Variants in GPR63 observed in about 807,000 individuals in gnomAD.
GPR63 encodes G protein-coupled receptor 63, also known as probable G protein-coupled receptor 63.
Under a neutral mutation model 23.1 loss-of-function variants are expected in GPR63, and 12 were observed. The ratio of observed to expected loss-of-function variants is 0.52; its 90% confidence interval spans 0.33 to 0.84. The LOEUF is 0.84. GPR63 is among the 40% of genes least tolerant of loss of function. GPR63 has a pLI of 0.02. For synonymous variants in GPR63, 172 were observed against 191.1 expected (o/e 0.90, Z 0.82); for missense variants, 472 against 515.6 (o/e 0.92, Z 0.82).
rs559274389 is a variant in GPR63, at chr6:96,794,847, A to G, written c.*3625T>C. On this transcript the variant is annotated 3_prime_UTR_variant, in exon 2 of 2. Coordinates refer to ENST00000229955, the MANE Select transcript of GPR63 (RefSeq NM_030784.4). ...CTTTATCAGAATTTTGCCAGTTGAAAGAAAATAAAGCTAACACTGGCAAGA... is the reference window on the plus strand; with the variant it reads ...CTTTATCAGAATTTTGCCAGTTGAAGGAAAATAAAGCTAACACTGGCAAGA... 6.6e-6 allele frequency: 1 copy of G among 152,336 alleles called. No individual in the cohort carries two copies. Among genetic ancestry groups the G allele is most frequent in the South Asian group, 2.1e-4 (1 of 4,826 alleles). 9.4% of individuals were successfully genotyped at this position (152,336 alleles called of 1,614,324 possible).
At chr6:96,828,334 CTTAT>C (rs1205178717) in intron 1 of GPR63, among the ~76,000 whole-genome samples, 3 of 151,894 alleles carry the variant, frequency 2.0e-5, no homozygotes, top group Admixed American at 6.6e-5. Flanking sequence ...CCCTTATAGT[CTTAT>C]TTAATCTTCA....
rs1212535420 is a variant in GPR63 at position 96,795,353 on chromosome 6, G to A, written c.*3119C>T. 1.3e-5 allele frequency: 2 copies of A among 152,212 alleles called. No individual in the cohort carries two copies. The highest frequency in any genetic ancestry group is 2.9e-5 in the Non-Finnish European group (2 of 68,038). The allele number at this position is 152,212 out of a possible 1,614,324, so 9.4% of individuals were successfully genotyped here. A position where few individuals can be genotyped will look rare whatever the true frequency, so the allele number is the denominator to read the frequency against. On this transcript the variant is annotated 3_prime_UTR_variant, in exon 2 of 2. Coordinates refer to ENST00000229955, the MANE Select transcript of GPR63 (RefSeq NM_030784.4). ...TGCCTGTAAGCAGTGAGAATTAGTA[G>A]TGGTATCTTTCCCTGCCTCAAGAAA...
intron 1 of GPR63, among the ~76,000 whole-genome samples, chr6:96,828,823 G>T (rs998108142): frequency 4.6e-5 from 7 of 151,988 alleles, no homozygotes; most frequent in Admixed American, 3.3e-4. Flanking sequence ...GGAAAGGTGT[G>T]TCAAGCCCAT....
At chr6:96,827,190 G>A (rs1774461886) in intron 1 of GPR63, among the ~76,000 whole-genome samples, 1 of 151,900 alleles carries the variant, frequency 6.6e-6, no homozygotes, top group African/African-American at 2.4e-5. Flanking sequence ...AATAATAAAT[G>A]GTTAGAATTA....
chr6:96,817,623 C>T (rs897473880), intron 1 of GPR63, among the ~76,000 whole-genome samples: 2 of 152,162 alleles, frequency 1.3e-5, no homozygotes, highest in South Asian at 2.1e-4. Context: ...GATAAATCAA[C>T]GTCATTATAT....
chr6:96,818,987 G>A (rs1774231012), intron 1 of GPR63, among the ~76,000 whole-genome samples: 1 of 152,078 alleles, frequency 6.6e-6, no homozygotes, highest in Admixed American at 6.5e-5. Context: ...ACACCAGTTA[G>A]AATGGTGATC....
intron 1 of GPR63, among the ~76,000 whole-genome samples, chr6:96,810,489 C>T (rs1190120229): frequency 2.9e-5 from 4 of 139,584 alleles, no homozygotes; most frequent in Admixed American, 2.2e-4. Context: ...TGCGAGACTC[C>T]GTCCCAGGAA....
At chr6:96,803,468 A>G (rs181694137) in intron 1 of GPR63, among the ~76,000 whole-genome samples, 16 of 152,372 alleles carry the variant, frequency 1.1e-4, no homozygotes, top group Admixed American at 1.0e-3. Flanking sequence ...GTAGTTAAAC[A>G]TTAAGGAAAA....
intron 1 of GPR63, among the ~76,000 whole-genome samples, chr6:96,834,663 A>T (rs1774677057): frequency 6.6e-6 from 1 of 152,114 alleles, no homozygotes; most frequent in African/African-American, 2.4e-5. Context: ...AAATTAAAGA[A>T]AAAAAAACCG....
chr6:96,808,932 C>A (rs1773970470), intron 1 of GPR63, among the ~76,000 whole-genome samples: 2 of 151,646 alleles, frequency 1.3e-5, no homozygotes, highest in African/African-American at 4.9e-5. Flanking sequence ...CCCGTCCCCC[C>A]ACCCCACAAC....
chr6:96,799,918 A>C, intron 1 of GPR63, 37 bp from the exon 2 acceptor site: 1 of 625,770 alleles, frequency 1.6e-6, no homozygotes, highest in Non-Finnish European at 2.9e-6. Context: ...GTAAATGAGA[A>C]ATGAGATTTG....
Position 96,797,309 on chromosome 6 carries a change from G to A in GPR63, c.*1163C>T, listed in dbSNP as rs956547526. 1.3e-5 allele frequency: 2 copies of A among 152,024 alleles called. No individual in the cohort carries two copies. Among genetic ancestry groups the A allele is most frequent in the Non-Finnish European group, 2.9e-5 (2 of 68,010 alleles). The allele number at this position is 152,024 out of a possible 1,614,324, so 9.4% of individuals were successfully genotyped here. A position where few individuals can be genotyped will look rare whatever the true frequency, so the allele number is the denominator to read the frequency against. On this transcript the variant is annotated 3_prime_UTR_variant, in exon 2 of 2. Transcript: ENST00000229955. ...CTGTAATGCTTTCATATTTCTTTTGGTAGTTAGAAAATAAAGGCTAATTTT... is the reference window on the plus strand; with the variant it reads ...CTGTAATGCTTTCATATTTCTTTTGATAGTTAGAAAATAAAGGCTAATTTT...
chr6:96,813,224 C>A (rs1457347209), intron 1 of GPR63, among the ~76,000 whole-genome samples: 1 of 152,106 alleles, frequency 6.6e-6, no homozygotes, highest in East Asian at 1.9e-4. Flanking sequence ...TATACATGTT[C>A]TTTATCCCTT....
Position 96,799,200 on chromosome 6 carries a change from C to G in GPR63, c.532G>C (p.Asp178His), listed in dbSNP as rs1773686679. The change falls in exon 2 of 2, where the codon GAT (aspartate) becomes CAT (histidine). Residue 178 changes from aspartate (D) to histidine (H), a missense_variant. Coordinates refer to ENST00000229955, the MANE Select transcript of GPR63 (RefSeq NM_030784.4). ...CTCTGGACTATAATAAGGAACCTAT[C>G]TATGCTAATGATGAGCAGGATGGCT... ...GVAILLIISI[D>H]RFLIIVQRQD... 3.1e-6 allele frequency: 5 copies of G among 1,614,052 alleles called. No homozygotes were observed. The highest frequency in any genetic ancestry group is 3.4e-6 in the Non-Finnish European group (4 of 1,180,038).
At position 96,836,840 on chromosome 6, in the gene GPR63, AC is replaced by A. The variant is rs1328671293; in HGVS notation, c.-151+427del. On this transcript the variant is annotated intron_variant, in intron 1 of 1. Coordinates refer to ENST00000229955, the MANE Select transcript of GPR63 (RefSeq NM_030784.4). ...TAAATTTCAGCCCTCAAGCAGCGAG[AC>A]CACCGTGTAAAAGTTCAAGTGGAGC... 3.9e-5 allele frequency among the ~76,000 whole-genome samples: 6 copies of A among 152,122 alleles called. No individual in the cohort carries two copies. The South Asian group carries it at 1.2e-3, about 32-fold the overall frequency.
At chr6:96,832,432 C>CCT (rs10626594) in intron 1 of GPR63, among the ~76,000 whole-genome samples, 1 of 144,688 alleles carries the variant, frequency 6.9e-6, no homozygotes, top group South Asian at 2.2e-4. Context: ...ACCTGACTAA[C>CCT]TTTTTTTTTT....
In GPR63 at chr6:96,821,797, G is replaced by A. The variant is rs189044281; in HGVS notation, c.-151+15471C>T. Reference sequence around the variant, plus strand: ...TGAAAGACATACATATATATACCACGGTCTCCTCTTTCTTCCCACATCAGA... The same window carrying A: ...TGAAAGACATACATATATATACCACAGTCTCCTCTTTCTTCCCACATCAGA... On this transcript the variant is annotated intron_variant, in intron 1 of 1. Coordinates refer to ENST00000229955, the MANE Select transcript of GPR63 (RefSeq NM_030784.4). Among the ~76,000 whole-genome samples, 161 of 152,026 alleles carry A rather than the reference G, an allele frequency of 1.1e-3. 1 individual carries two copies. The highest frequency in any genetic ancestry group is 3.5e-3 in the African/African-American group (147 of 41,460).
At chr6:96,820,991 A>G (rs1774300344) in intron 1 of GPR63, among the ~76,000 whole-genome samples, 1 of 152,174 alleles carries the variant, frequency 6.6e-6, no homozygotes, top group African/African-American at 2.4e-5. Context: ...TCGGGGAAAC[A>G]ATAGTCTATC....
intron 1 of GPR63, among the ~76,000 whole-genome samples, chr6:96,811,881 TAAATAAATA>T (rs997723533): frequency 5.2e-5 from 6 of 114,902 alleles, no homozygotes; most frequent in African/African-American, 1.6e-4. Flanking sequence ...AATAAATAAA[TAAATAAATA>T]AAATAAAAGG....
Sources: gnomAD v4.1 joint callset for allele counts (sites outside exome capture counted in the v4.1 genomes callset) on GRCh38, gnomAD v4.1.1 for gene constraint, MANE v1.5 for transcripts, NCBI Gene and HGNC (gene_info 2026-07-23, HGNC 2026-07-21) for gene names.